HBS1L: variants seen among roughly 807,000 people sequenced by gnomAD.
The protein encoded by HBS1L is HBS1-like protein.
In HBS1L, 55 loss-of-function variants were observed where a neutral mutation model predicts 88.9. The observed-to-expected ratio is 0.62, with a 90% CI of 0.50 to 0.77. HBS1L has a LOEUF of 0.77. Ranked by LOEUF, HBS1L falls within the 30% of genes least tolerant of loss-of-function variation. The pLI is 0.00. For missense variants in HBS1L, 741 were observed against 829.3 expected, an observed-to-expected ratio of 0.89 and a Z score of 1.31; for synonymous variants, 267 against 288.5, an observed-to-expected ratio of 0.93 and a Z score of 0.76.
chr6:135,053,550 A>T (rs1777151862), intron 1 of HBS1L, among the ~76,000 whole-genome samples: 1 of 152,218 alleles, frequency 6.6e-6, no homozygotes, highest in South Asian at 2.1e-4. Context: ...ATATTTATTT[A>T]AAAGGGCCTC....
chr6:134,987,755 C>G lies in HBS1L; in HGVS notation c.1120G>C (p.Gly374Arg). ...VAVLVVDASRGEFEAGFETGG... is the reference protein window; with the variant it reads ...VAVLVVDASRREFEAGFETGG... ...GTCTCAAATCCAGCTTCAAACTCTC[C>G]CCTGCTGGCATCTACAACTAAAACA... Residue 374 changes from glycine (G) to arginine (R), a missense_variant, in exon 9 of 18, where the codon GGA (glycine) becomes CGA (arginine). Transcript: ENST00000367837. 1 of 1,601,786 alleles carries G rather than the reference C, an allele frequency of 6.2e-7. No homozygotes were observed. The highest frequency in any genetic ancestry group is 8.5e-7 in the Non-Finnish European group (1 of 1,173,954).
chr6:135,000,079 G>T (rs1317970250), intron 5 of HBS1L, among the ~76,000 whole-genome samples: 1 of 151,426 alleles, frequency 6.6e-6, no homozygotes, highest in Non-Finnish European at 1.5e-5. Flanking sequence ...TTTTGAGATG[G>T]TCTCGCTCTC....
intron 2 of HBS1L, among the ~76,000 whole-genome samples, chr6:135,043,486 T>C (rs1264780109): frequency 6.6e-6 from 1 of 152,148 alleles, no homozygotes; most frequent in South Asian, 2.1e-4. Context: ...GCATAGAACA[T>C]AAAGCTGCAG....
chr6:134,970,559 T>G (rs1774454282), intron 15 of HBS1L, among the ~76,000 whole-genome samples: 1 of 152,222 alleles, frequency 6.6e-6, no homozygotes, highest in African/African-American at 2.4e-5. Context: ...TTCAGTTAAC[T>G]GATGGCCTTA....
intron 5 of HBS1L, 41 bp from the exon 6 acceptor site, chr6:134,997,697 C>A: frequency 6.4e-7 from 1 of 1,571,432 alleles, no homozygotes; most frequent in South Asian, 1.1e-5. Flanking sequence ...GAAACCAACT[C>A]TATTGATGTC....
In HBS1L at chr6:134,979,272, G is replaced by C; in HGVS notation, c.1598-4C>G. 6.2e-7 allele frequency: 1 copy of C among 1,608,638 alleles called. No individual in the cohort carries two copies. Among genetic ancestry groups the C allele is most frequent in the Non-Finnish European group, 8.5e-7 (1 of 1,175,742 alleles). Reference sequence around the variant, plus strand: ...GGTTCATCATGCAGAGTGATTCCTGGAAATGAGTAAGAACCAAAGCATACA... The same window carrying C: ...GGTTCATCATGCAGAGTGATTCCTGCAAATGAGTAAGAACCAAAGCATACA... On this transcript the variant is annotated splice_polypyrimidine_tract_variant and splice_region_variant and intron_variant, in intron 13 of 17. Coordinates refer to ENST00000367837, the MANE Select transcript of HBS1L (RefSeq NM_006620.4).
intron 4 of HBS1L, among the ~76,000 whole-genome samples, chr6:135,029,812 C>G (rs7750300): frequency 0.47 from 72,020 of 152,006 alleles, 17,306 homozygotes; most frequent in South Asian, 0.56. Flanking sequence ...GAAAGAATGA[C>G]ATTGATCTGT....
intron 4 of HBS1L, among the ~76,000 whole-genome samples, chr6:135,003,596 G>T (rs527938930): frequency 6.7e-6 from 1 of 148,288 alleles, no homozygotes; most frequent in Non-Finnish European, 1.5e-5. Context: ...GGCCAGGCAC[G>T]GTGGCTCATG....
At chr6:135,045,035 T>C (rs777033100) in intron 2 of HBS1L, among the ~76,000 whole-genome samples, 5 of 151,382 alleles carry the variant, frequency 3.3e-5, no homozygotes, top group Non-Finnish European at 5.9e-5. Context: ...ATTTTGGAAG[T>C]AGTAATGGTT....
At chr6:135,051,075 A>T (rs1777066830) in intron 1 of HBS1L, among the ~76,000 whole-genome samples, 1 of 152,034 alleles carries the variant, frequency 6.6e-6, no homozygotes, top group Admixed American at 6.5e-5. Context: ...AAAATACAAA[A>T]ATTAGCTAGA....
chr6:134,979,511 T>C (rs1774757503), intron 13 of HBS1L: 1 of 403,048 alleles, frequency 2.5e-6, no homozygotes. Flanking sequence ...GGCTGACTTC[T>C]GCTTATTTAA....
At chr6:135,029,767 T>C (rs1364017681) in intron 4 of HBS1L, among the ~76,000 whole-genome samples, 1 of 152,190 alleles carries the variant, frequency 6.6e-6, no homozygotes, top group Non-Finnish European at 1.5e-5. Context: ...TAAATTATGG[T>C]ACAATCATAT....
chr6:134,988,940 A>G (rs1775056133), intron 8 of HBS1L, among the ~76,000 whole-genome samples: 1 of 152,056 alleles, frequency 6.6e-6, no homozygotes, highest in Non-Finnish European at 1.5e-5. Flanking sequence ...ACAGCTATTG[A>G]AAAAAAAGCC....
intron 16 of HBS1L, among the ~76,000 whole-genome samples, chr6:134,968,879 G>A (rs1039362430): frequency 5.9e-5 from 9 of 152,096 alleles, no homozygotes; most frequent in African/African-American, 9.7e-5. Flanking sequence ...AGTTAAACAC[G>A]CAGTAGAAAT....
chr6:135,054,515 T>G, intron 1 of HBS1L, 134 bp downstream of exon 1: 1 of 984,284 alleles, frequency 1.0e-6, no homozygotes, highest in Non-Finnish European at 1.6e-6. Flanking sequence ...GCCTGTTATA[T>G]TCCCCAACTG....
intron 4 of HBS1L, among the ~76,000 whole-genome samples, chr6:135,038,814 T>A (rs888577476): frequency 6.6e-6 from 1 of 152,216 alleles, no homozygotes; most frequent in Non-Finnish European, 1.5e-5. Flanking sequence ...ATGATACTTA[T>A]ACCTAATTAT....
At position 134,964,930 on chromosome 6, in the gene HBS1L, C is replaced by A; in HGVS notation, c.*349G>T. 1 of 256,798 alleles carries A rather than the reference C, an allele frequency of 3.9e-6. No homozygotes were observed. Among genetic ancestry groups the A allele is most frequent in the Non-Finnish European group, 7.4e-6 (1 of 134,718 alleles). 15.9% of individuals were successfully genotyped at this position (256,798 alleles called of 1,614,324 possible). A position where few individuals can be genotyped will look rare whatever the true frequency, so the allele number is the denominator to read the frequency against. Reference sequence around the variant, plus strand: ...AGTATAATTGAATCAAAAGAGAAAACTGCAAATACATTGTGCTTTGGCCAG... The same window carrying A: ...AGTATAATTGAATCAAAAGAGAAAAATGCAAATACATTGTGCTTTGGCCAG... On this transcript the variant is annotated 3_prime_UTR_variant, in exon 18 of 18. Coordinates refer to ENST00000367837, the MANE Select transcript of HBS1L (RefSeq NM_006620.4).
chr6:134,969,474 AGTCCCACCACTCTAATCAGGTGG>A (rs1365793996), intron 15 of HBS1L, 136 bp from the exon 16 acceptor site: 1 of 634,074 alleles, frequency 1.6e-6, no homozygotes, highest in African/African-American at 1.8e-5. Flanking sequence ...GCTTCCTCTA[AGTCCCACCACTCTAATCAGGTGG>A]TTACTTAACT....
rs1334429159 is a variant in HBS1L, at chr6:134,989,401, A to C, written c.1084-1610T>G. 3.9e-5 allele frequency among the ~76,000 whole-genome samples: 6 copies of C among 152,020 alleles called. No individual in the cohort carries two copies. The South Asian group carries it at 1.2e-3, about 32-fold the overall frequency. Reference sequence around the variant, plus strand: ...CTCGGGCTGTTACATGATAATCACTATCTCTCCAGGGTCCTCTTATATTCC... The same window carrying C: ...CTCGGGCTGTTACATGATAATCACTCTCTCTCCAGGGTCCTCTTATATTCC... On this transcript the variant is annotated intron_variant, in intron 8 of 17. Transcript: ENST00000367837.
Sources: allele counts gnomAD v4.1 joint callset (sites outside exome capture counted in the v4.1 genomes callset), GRCh38; gene constraint gnomAD v4.1.1; transcripts MANE v1.5; gene names NCBI Gene and HGNC (gene_info 2026-07-23, HGNC 2026-07-21).